MME: variants seen among roughly 807,000 people sequenced by gnomAD.
MME encodes membrane metalloendopeptidase.
A neutral mutation model predicts 113.2 loss-of-function variants in MME; 98 were observed. The observed-to-expected ratio is 0.87, with a 90% CI of 0.74 to 1.02. The LOEUF (loss-of-function observed/expected upper bound fraction) is 1.02. MME is among the 50% of genes least tolerant of loss of function. The pLI, the probability that MME is intolerant of heterozygous loss-of-function variation, is 0.00. For missense variants in MME, 836 were observed against 896.0 expected (o/e 0.93, Z 0.86); for synonymous variants, 292 against 300.6 (o/e 0.97, Z 0.30).
At chr3:155,034,683 A>C (rs1713074296) in intron 1 of MME, among the ~76,000 whole-genome samples, 1 of 152,174 alleles carries the variant, frequency 6.6e-6, no homozygotes, top group Non-Finnish European at 1.5e-5. Context: ...CTAGGGTCTT[A>C]ATAAAATATC....
chr3:155,025,436 TC>T (rs1032081095), intron 1 of MME, among the ~76,000 whole-genome samples: 4 of 151,826 alleles, frequency 2.6e-5, no homozygotes, highest in Admixed American at 6.6e-5. Context: ...ACCAGCCTGG[TC>T]AGCAAAGTGA....
chr3:155,176,262 GT>G (rs1257544070), intron 22 of MME, among the ~76,000 whole-genome samples: 5 of 152,168 alleles, frequency 3.3e-5, no homozygotes, highest in Non-Finnish European at 7.3e-5. Flanking sequence ...TCTCTTAGAT[GT>G]TTTTAATGCA....
chr3:155,058,144 A>G (rs1714004506), intron 1 of MME, among the ~76,000 whole-genome samples: 1 of 152,184 alleles, frequency 6.6e-6, no homozygotes, highest in African/African-American at 2.4e-5. Flanking sequence ...AACCCCTGTA[A>G]ATAATGATAA....
chr3:155,034,406 A>G lies in MME; in HGVS notation c.-11+10082A>G, dbSNP rs375237022. Among the ~76,000 whole-genome samples the G allele has an allele frequency of 7.9e-5, 12 of 152,336 alleles. No homozygotes were observed. In the South Asian group the frequency reaches 2.5e-3, roughly 32 times the overall value. Reference sequence around the variant, plus strand: ...TTCCTTTATACCTAAAAACCTCATTAGAAATACAGACCATAGTTATCAACT... The same window carrying G: ...TTCCTTTATACCTAAAAACCTCATTGGAAATACAGACCATAGTTATCAACT... On this transcript the variant is annotated intron_variant, in intron 1 of 22. Transcript: ENST00000492661.
At chr3:155,127,292 T>C (rs1359536807) in intron 8 of MME, among the ~76,000 whole-genome samples, 1 of 152,172 alleles carries the variant, frequency 6.6e-6, no homozygotes, top group Non-Finnish European at 1.5e-5. Flanking sequence ...GAGCCGGCTT[T>C]CTTTGATTTT....
At chr3:155,175,876 G>A (rs1468655970) in intron 22 of MME, among the ~76,000 whole-genome samples, 1 of 151,946 alleles carries the variant, frequency 6.6e-6, no homozygotes, top group African/African-American at 2.4e-5. Context: ...TTCAATATTA[G>A]CATTGGTTCC....
chr3:155,133,828 A>G (rs1465157353), intron 8 of MME, among the ~76,000 whole-genome samples: 4 of 147,308 alleles, frequency 2.7e-5, no homozygotes, highest in Non-Finnish European at 4.5e-5. Flanking sequence ...ATATCAATCT[A>G]CTGAGATATA....
Position 155,169,952 on chromosome 3 carries a change from C to T in MME, c.1980+1155C>T, listed in dbSNP as rs78943434. Among the ~76,000 whole-genome samples, 3 of 152,224 alleles carry T rather than the reference C, an allele frequency of 2.0e-5. No individual in the cohort carries two copies. The East Asian group carries it at 5.8e-4, about 29-fold the overall frequency. On this transcript the variant is annotated intron_variant, in intron 20 of 22. Coordinates refer to ENST00000360490, the MANE Select transcript of MME (RefSeq NM_007289.4). The stretch of plus-strand genomic sequence containing the variant: ...GGAGATTAAGTCAGCTACAAGGTTT[C>T]CAAAAGAATGAGTCCAACCAGTTCC...
At position 155,148,684 on chromosome 3, in the gene MME, T is replaced by C. The variant is rs761279281; in HGVS notation, c.1601+31T>C. 20 of 1,489,108 alleles carry C rather than the reference T, an allele frequency of 1.3e-5. No homozygotes were observed. In the Admixed American group the frequency reaches 1.8e-4, roughly 14 times the overall value. The allele number at this position is 1,489,108 out of a possible 1,614,324, so 92.2% of individuals were successfully genotyped here. A position where few individuals can be genotyped will look rare whatever the true frequency, so the allele number is the denominator to read the frequency against. ...TATATTCTCATTTCTAATGTGATCA[T>C]CTAGAAGCAGGTCTTTCCCTCCTTT... On this transcript the variant is annotated intron_variant, in intron 16 of 22. Coordinates refer to ENST00000360490, the MANE Select transcript of MME (RefSeq NM_007289.4).
chr3:155,131,263 G>A (rs112353791), intron 8 of MME, among the ~76,000 whole-genome samples: 204 of 152,330 alleles, frequency 1.3e-3, no homozygotes, highest in African/African-American at 4.7e-3. Flanking sequence ...ATAATCTTGT[G>A]TAGGTGGCTC....
intron 17 of MME, among the ~76,000 whole-genome samples, chr3:155,161,058 A>G (rs950001808): frequency 6.6e-6 from 1 of 152,186 alleles, no homozygotes; most frequent in Non-Finnish European, 1.5e-5. Context: ...ACAGACATAT[A>G]TATACATTAA....
Position 155,064,227 on chromosome 3 carries a change from TG to T in MME, c.-10-19930del, listed in dbSNP as rs1466365961. 5.3e-5 allele frequency among the ~76,000 whole-genome samples: 8 copies of T among 152,150 alleles called. No homozygotes were observed. The East Asian group carries it at 1.5e-3, about 29-fold the overall frequency. ...TCGCTTGAACCTGGGAGGTGGAGGTTGCAGTGAGCCGAGATCCTGCCACTGT... is the reference window on the plus strand; with the variant it reads ...TCGCTTGAACCTGGGAGGTGGAGGTTCAGTGAGCCGAGATCCTGCCACTGT... On this transcript the variant is annotated intron_variant, in intron 1 of 22. Transcript: ENST00000492661.
At chr3:155,141,431 T>C (rs1160896516) in intron 10 of MME, among the ~76,000 whole-genome samples, 1 of 152,144 alleles carries the variant, frequency 6.6e-6, no homozygotes, top group African/African-American at 2.4e-5. Flanking sequence ...TTTTGGCAAC[T>C]CCGTACTTAG....
rs772130741 is a variant in MME, at chr3:155,172,117, G to A, written c.1981G>A (p.Ala661Thr). ...DNGGLGQAYRAYQNYIKKNGE... is the reference protein window; with the variant it reads ...DNGGLGQAYRTYQNYIKKNGE... ...TTTTTCTATTTTATCAACTGCCTAGGCCTATCAGAATTATATTAAAAAGAA... is the reference window on the plus strand; with the variant it reads ...TTTTTCTATTTTATCAACTGCCTAGACCTATCAGAATTATATTAAAAAGAA... Residue 661 changes from alanine to threonine, a missense_variant and splice_region_variant, in exon 21 of 23, where the codon GCC (alanine) becomes ACC (threonine). Transcript: ENST00000360490. 1.3e-6 allele frequency: 2 copies of A among 1,559,356 alleles called. No homozygotes were observed. Among genetic ancestry groups the A allele is most frequent in the Admixed American group, 1.7e-5 (1 of 59,844 alleles).
At chr3:155,124,799 G>C (rs901534918) in intron 8 of MME, among the ~76,000 whole-genome samples, 3 of 152,010 alleles carry the variant, frequency 2.0e-5, no homozygotes, top group Admixed American at 6.5e-5. Flanking sequence ...GCTGTGTGCT[G>C]GGAGAACCAC....
intron 1 of MME, among the ~76,000 whole-genome samples, chr3:155,036,742 T>C (rs1713141049): frequency 6.6e-6 from 1 of 152,160 alleles, no homozygotes; most frequent in Admixed American, 6.5e-5. Context: ...AGTAGAACTT[T>C]TAATTTTGTT....
At chr3:155,094,964 C>T (rs140127032) in intron 3 of MME, among the ~76,000 whole-genome samples, 5 of 152,328 alleles carry the variant, frequency 3.3e-5, no homozygotes, top group Admixed American at 2.6e-4. Context: ...AATGCAGTCT[C>T]GGGCTCCGCC....
At chr3:155,140,141 T>G (rs754901055) in intron 9 of MME, 50 bp from the exon 10 acceptor site, 1 of 1,323,068 alleles carries the variant, frequency 7.6e-7, no homozygotes, top group East Asian at 2.5e-5. Flanking sequence ...AGTTATATTT[T>G]TCTAAAGAAT....
intron 16 of MME, among the ~76,000 whole-genome samples, chr3:155,158,191 A>G (rs1722451000): frequency 6.6e-6 from 1 of 152,054 alleles, no homozygotes; most frequent in South Asian, 2.1e-4. Flanking sequence ...CAATATTAGG[A>G]TTTTTGACTA....
Sources: gnomAD v4.1 joint callset for allele counts (sites outside exome capture counted in the v4.1 genomes callset) on GRCh38, gnomAD v4.1.1 for gene constraint, MANE v1.5 for transcripts, NCBI Gene and HGNC (gene_info 2026-07-23, HGNC 2026-07-21) for gene names.